Variants in WWOX observed in about 807,000 individuals in gnomAD.
WWOX encodes WW domain containing oxidoreductase.
Under a neutral mutation model 46.2 loss-of-function variants are expected in WWOX, and 69 were observed. That is an observed-to-expected ratio of 1.49 (90% confidence interval 1.23 to 1.82). The LOEUF is 1.82. Among genes scored for constraint, WWOX ranks in the 40% most tolerant of loss-of-function variants. The pLI is 0.00. For missense variants in WWOX, 919 were observed against 542.6 expected (o/e 1.69, Z -6.89); for synonymous variants, 359 against 202.6 (o/e 1.77, Z -6.56).
At chr16:78,590,361 A>C (rs938789238) in intron 8 of WWOX, among the ~76,000 whole-genome samples, 4 of 152,154 alleles carry the variant, frequency 2.6e-5, no homozygotes, top group African/African-American at 9.7e-5. Context: ...GAGGAATCTG[A>C]AAGTGTTATA....
At chr16:78,398,122 A>G (rs1323257672) in intron 6 of WWOX, among the ~76,000 whole-genome samples, 2 of 152,124 alleles carry the variant, frequency 1.3e-5, no homozygotes, top group Non-Finnish European at 2.9e-5. Flanking sequence ...TCGTTTTGCT[A>G]TTTATACCTC....
chr16:78,467,292 G>GTA (rs1327040697), intron 8 of WWOX, among the ~76,000 whole-genome samples: 1 of 152,064 alleles, frequency 6.6e-6, no homozygotes, highest in Non-Finnish European at 1.5e-5. Context: ...TATGTATGAT[G>GTA]TATATACCCA....
At chr16:78,705,537 G>T (rs2048311423) in intron 8 of WWOX, among the ~76,000 whole-genome samples, 1 of 152,208 alleles carries the variant, frequency 6.6e-6, no homozygotes, top group African/African-American at 2.4e-5. Context: ...AAGAAGTGCT[G>T]GCTCTGCTCT....
intron 8 of WWOX, among the ~76,000 whole-genome samples, chr16:78,964,552 A>T (rs566695697): frequency 6.6e-6 from 1 of 152,370 alleles, no homozygotes; most frequent in Non-Finnish European, 1.5e-5. Flanking sequence ...ATTCAGTTTT[A>T]TAAAAGAAGC....
At chr16:78,138,894 A>T (rs1315972116) in intron 4 of WWOX, among the ~76,000 whole-genome samples, 2 of 152,132 alleles carry the variant, frequency 1.3e-5, no homozygotes, top group African/African-American at 4.8e-5. Context: ...CAGCTGCTCA[A>T]AGATGTTCCC....
chr16:79,199,016 C>G (rs145914489), intron 8 of WWOX, among the ~76,000 whole-genome samples: 1 of 152,120 alleles, frequency 6.6e-6, no homozygotes, highest in Non-Finnish European at 1.5e-5. Flanking sequence ...TGCTCTTTGA[C>G]CTAGGCAGAA....
intron 8 of WWOX, chr16:78,981,991 A>G (rs962616518): frequency 6.6e-6 from 1 of 152,114 alleles, no homozygotes; most frequent in African/African-American, 2.4e-5. Context: ...CAGTGTTTTG[A>G]CTGGCAGAAT....
intron 8 of WWOX, among the ~76,000 whole-genome samples, chr16:78,964,846 C>G (rs998272411): frequency 2.0e-5 from 3 of 152,188 alleles, no homozygotes; most frequent in African/African-American, 4.8e-5. Context: ...GCCCTGTGTC[C>G]CAGCCACTCC....
At chr16:78,960,733 C>A (rs13338251) in intron 8 of WWOX, among the ~76,000 whole-genome samples, 3,936 of 152,254 alleles carry the variant, frequency 0.026, 190 homozygotes, top group African/African-American at 0.089. Context: ...AGGTACACAG[C>A]ACTTGTTCCA....
At chr16:78,440,001 C>T (rs914150876) in intron 8 of WWOX, among the ~76,000 whole-genome samples, 3 of 152,162 alleles carry the variant, frequency 2.0e-5, no homozygotes, top group African/African-American at 7.2e-5. Flanking sequence ...TCAGATCCCA[C>T]TGGTTGGGAC....
chr16:78,924,084 TG>T (rs1215323521), intron 8 of WWOX, among the ~76,000 whole-genome samples: 2 of 152,136 alleles, frequency 1.3e-5, no homozygotes, highest in Non-Finnish European at 2.9e-5. Context: ...CCCAAAGTGC[TG>T]GGATTACAGA....
chr16:78,518,796 C>G (rs1366388290), intron 8 of WWOX, among the ~76,000 whole-genome samples: 1 of 152,150 alleles, frequency 6.6e-6, no homozygotes, highest in Non-Finnish European at 1.5e-5. Flanking sequence ...ACAGGGATTT[C>G]CTTTAGCTGG....
intron 8 of WWOX, among the ~76,000 whole-genome samples, chr16:79,079,740 G>C (rs1207302347): frequency 6.6e-6 from 1 of 152,116 alleles, no homozygotes; most frequent in Non-Finnish European, 1.5e-5. Flanking sequence ...CCCAGGCTTT[G>C]CAACAGGGAA....
At chr16:78,322,224 T>G (rs928954960) in intron 5 of WWOX, among the ~76,000 whole-genome samples, 2 of 152,152 alleles carry the variant, frequency 1.3e-5, no homozygotes, top group African/African-American at 4.8e-5. Flanking sequence ...CTGGATTTTG[T>G]TAATGCTGAT....
chr16:78,716,403 G>C (rs1039360269), intron 8 of WWOX, among the ~76,000 whole-genome samples: 14 of 152,116 alleles, frequency 9.2e-5, no homozygotes, highest in African/African-American at 3.4e-4. Context: ...GCCACCCAGT[G>C]TGCAGTAGCT....
chr16:78,386,864 A>T lies in WWOX; in HGVS notation c.521A>T (p.Lys174Ile). Residue 174 changes from lysine (K) to isoleucine (I), a missense_variant, in exon 6 of 9, where the codon AAA (lysine) becomes ATA (isoleucine). Lys to Ile is a moderately radical substitution (Grantham distance 102). Transcript: ENST00000566780. ...AVSRILEEWHKAKVEAMTLDL... is the reference protein window; with the variant it reads ...AVSRILEEWHIAKVEAMTLDL... ...TTTTATTTTCTCTCATTGCAGCATA[A>T]AGCCAAGGTAGAAGCAATGACCCTG... The T allele has an allele frequency of 1.9e-6, 3 of 1,613,918 alleles. No homozygotes were observed. The highest frequency in any genetic ancestry group is 2.5e-6 in the Non-Finnish European group (3 of 1,179,840).
intron 8 of WWOX, among the ~76,000 whole-genome samples, chr16:78,635,277 C>G (rs752248442): frequency 6.6e-6 from 1 of 152,156 alleles, no homozygotes; most frequent in Non-Finnish European, 1.5e-5. Context: ...GCCTGTTGGA[C>G]AGATGCCTGG....
chr16:79,182,625 A>G (rs892454962), intron 8 of WWOX, among the ~76,000 whole-genome samples: 2 of 152,132 alleles, frequency 1.3e-5, no homozygotes, highest in Non-Finnish European at 2.9e-5. Flanking sequence ...CTGGAGTCAG[A>G]AGGCCTGGGT....
chr16:78,785,700 C>G (rs924355386), intron 8 of WWOX, among the ~76,000 whole-genome samples: 2 of 152,160 alleles, frequency 1.3e-5, no homozygotes, highest in Non-Finnish European at 2.9e-5. Flanking sequence ...GTAGCTGTGA[C>G]ATGAATATTG....
Sources: allele counts gnomAD v4.1 joint callset (sites outside exome capture counted in the v4.1 genomes callset), GRCh38; gene constraint gnomAD v4.1.1; transcripts MANE v1.5; gene names NCBI Gene and HGNC (gene_info 2026-07-23, HGNC 2026-07-21).